R3HCC1L: variants seen among roughly 807,000 people sequenced by gnomAD.
R3HCC1L encodes R3H domain and coiled-coil containing 1 like.
R3HCC1L carries 51 observed loss-of-function variants against 59.9 expected under a neutral mutation model. The ratio of observed to expected loss-of-function variants is 0.85; its 90% confidence interval spans 0.68 to 1.07. The LOEUF is 1.07. Among genes scored for constraint, R3HCC1L ranks in the 50% least tolerant of loss-of-function variants. The probability of loss-of-function intolerance (pLI) is 0.00; values close to 1 mark genes in which losing one functional copy is unlikely to be tolerated. For missense variants in R3HCC1L, 965 were observed against 933.0 expected (o/e 1.03, Z -0.45); for synonymous variants, 322 against 315.2 (o/e 1.02, Z -0.23).
intron 2 of R3HCC1L, 80 bp from the exon 3 acceptor site, chr10:98,162,803 T>C (rs1265478460): frequency 6.6e-6 from 1 of 152,268 alleles, no homozygotes; most frequent in Non-Finnish European, 1.5e-5. Flanking sequence ...GCTCAAGCAA[T>C]GTTCCCACCT....
At chr10:98,187,651 A>G (rs1440891788) in intron 4 of R3HCC1L, among the ~76,000 whole-genome samples, 1 of 151,906 alleles carries the variant, frequency 6.6e-6, no homozygotes, top group Non-Finnish European at 1.5e-5. Flanking sequence ...GATATGTATC[A>G]TATATACAAA....
Position 98,156,120 on chromosome 10 carries a change from C to T in R3HCC1L, c.-240C>T, listed in dbSNP as rs1846847438. On this transcript the variant is annotated 5_prime_UTR_variant, in exon 2 of 10. Transcript: ENST00000298999. ...ACTTCCAGTGTCCTACTATTGAAGCCTGCACCTGCTGCATTGCTGTTTTCC... is the reference window on the plus strand; with the variant it reads ...ACTTCCAGTGTCCTACTATTGAAGCTTGCACCTGCTGCATTGCTGTTTTCC... 1 of 151,634 alleles carries T rather than the reference C, an allele frequency of 6.6e-6. No individual in the cohort carries two copies. The highest frequency in any genetic ancestry group is 2.4e-5 in the African/African-American group (1 of 41,220). The allele number at this position is 151,634 out of a possible 1,614,324, so 9.4% of individuals were successfully genotyped here.
At chr10:98,148,446 G>A (rs1477042606) in intron 1 of R3HCC1L, among the ~76,000 whole-genome samples, 7 of 152,056 alleles carry the variant, frequency 4.6e-5, no homozygotes, top group Admixed American at 4.6e-4. Flanking sequence ...GTAAATGTGG[G>A]CATCCTTGTC....
intron 1 of R3HCC1L, among the ~76,000 whole-genome samples, chr10:98,147,091 A>G (rs929778302): frequency 2.6e-5 from 4 of 152,114 alleles, no homozygotes. Flanking sequence ...CCTTTTTTAT[A>G]AAAGCCATTT....
In R3HCC1L at chr10:98,196,681, T is replaced by G. The variant is rs531910279; in HGVS notation, c.-14-11420T>G. On this transcript the variant is annotated intron_variant, in intron 4 of 9. Transcript: ENST00000298999. ...CTATGATTAATCTGACCACTTCTTA[T>G]GACCTCTGCTACCACCCTAGACGTG... Among the ~76,000 whole-genome samples the G allele has an allele frequency of 4.6e-5, 7 of 152,344 alleles. No individual in the cohort carries two copies. The South Asian group carries it at 1.0e-3, about 23-fold the overall frequency.
intron 4 of R3HCC1L, among the ~76,000 whole-genome samples, chr10:98,183,432 T>TTTGTTG (rs551367212): frequency 6.6e-6 from 1 of 151,984 alleles, no homozygotes; most frequent in Non-Finnish European, 1.5e-5. Flanking sequence ...ATTGTGGATT[T>TTTGTTG]TTGTTGTTGT....
intron 5 of R3HCC1L, 94 bp from the exon 6 acceptor site, chr10:98,231,418 A>C (rs1053133889): frequency 4.3e-6 from 5 of 1,168,568 alleles, no homozygotes; most frequent in Non-Finnish European, 6.1e-6. Context: ...GGGAACATGT[A>C]GAGAAAGGGA....
chr10:98,147,299 A>G (rs1478677089), intron 1 of R3HCC1L, among the ~76,000 whole-genome samples: 3 of 152,044 alleles, frequency 2.0e-5, no homozygotes, highest in Non-Finnish European at 4.4e-5. Flanking sequence ...AACTCCTTGT[A>G]TATTCTTGTT....
At chr10:98,209,926 CTT>C (rs777718583) in intron 5 of R3HCC1L, 27 bp downstream of exon 5, 135 of 1,542,294 alleles carry the variant, frequency 8.8e-5, no homozygotes, top group Admixed American at 5.1e-4. Context: ...TTGCTTGATG[CTT>C]AGTTAGTTTA....
Position 98,175,768 on chromosome 10 carries a change from T to C in R3HCC1L, c.-15+12371T>C, listed in dbSNP as rs181219265. Among the ~76,000 whole-genome samples the C allele has an allele frequency of 3.1e-3, 465 of 152,308 alleles. 10 individuals carry two copies. Among genetic ancestry groups the C allele is most frequent in the Non-Finnish European group, 8.2e-4 (56 of 68,018 alleles). ...TACATGTCTTTGAAGAGCAGAAGTT[T>C]GAATTTTGATAAAGTCGAGTTTATT... On this transcript the variant is annotated intron_variant, in intron 4 of 9. Coordinates refer to ENST00000298999, the MANE Select transcript of R3HCC1L (RefSeq NM_001351015.2).
chr10:98,155,340 C>G (rs1378957226), intron 1 of R3HCC1L, among the ~76,000 whole-genome samples: 1 of 152,156 alleles, frequency 6.6e-6, no homozygotes, highest in Non-Finnish European at 1.5e-5. Flanking sequence ...ACTGTCTACT[C>G]AATTGGTAAT....
intron 7 of R3HCC1L, 94 bp from the exon 8 acceptor site, chr10:98,235,327 AAAAG>A: frequency 1.9e-6 from 2 of 1,031,698 alleles, no homozygotes; most frequent in Non-Finnish European, 2.9e-6. Context: ...GCTTTGAAAA[AAAAG>A]CATAACATCT....
intron 8 of R3HCC1L, 55 bp downstream of exon 8, chr10:98,235,575 T>C (rs1856841079): frequency 2.1e-6 from 3 of 1,408,858 alleles, no homozygotes; most frequent in African/African-American, 1.4e-5. Flanking sequence ...TATTGTTCTT[T>C]CCAGAAGTTT....
chr10:98,137,163 A>G (rs538682307), intron 1 of R3HCC1L, among the ~76,000 whole-genome samples: 3 of 152,074 alleles, frequency 2.0e-5, no homozygotes, highest in East Asian at 3.9e-4. Flanking sequence ...GTGAGCCGAG[A>G]TCACACCACT....
At chr10:98,152,938 A>G (rs1846392692) in intron 1 of R3HCC1L, among the ~76,000 whole-genome samples, 1 of 144,576 alleles carries the variant, frequency 6.9e-6, no homozygotes, top group African/African-American at 2.8e-5. Flanking sequence ...CCTGTCCGGG[A>G]GAGAGGTGGG....
At chr10:98,224,312 G>GT (rs564211015) in intron 5 of R3HCC1L, among the ~76,000 whole-genome samples, 82 of 151,884 alleles carry the variant, frequency 5.4e-4, no homozygotes, top group African/African-American at 1.7e-3. Flanking sequence ...AGAATTTCTT[G>GT]TTTTTTTCCT....
At chr10:98,227,888 A>T (rs1436860829) in intron 5 of R3HCC1L, among the ~76,000 whole-genome samples, 1 of 152,128 alleles carries the variant, frequency 6.6e-6, no homozygotes, top group East Asian at 1.9e-4. Flanking sequence ...AGCTTCAACC[A>T]TGTCCCTACA....
At position 98,163,380 on chromosome 10, in the gene R3HCC1L, A is replaced by G. The variant is rs73323863; in HGVS notation, c.-32A>G. Reference sequence around the variant, plus strand: ...GTTGTAGAGTTTTATTACTAAGAAAATAAATGTTACTTACATGGTAAGTTG... The same window carrying G: ...GTTGTAGAGTTTTATTACTAAGAAAGTAAATGTTACTTACATGGTAAGTTG... On this transcript the variant is annotated 5_prime_UTR_variant, in exon 4 of 10. Transcript: ENST00000298999. The G allele has an allele frequency of 8.9e-3, 11,887 of 1,340,148 alleles. 797 individuals are homozygous for G. In the African/African-American group the frequency reaches 0.15, roughly 17 times the overall value. The allele number at this position is 1,340,148 out of a possible 1,614,324, so 83.0% of individuals were successfully genotyped here. A position where few individuals can be genotyped will look rare whatever the true frequency, so the allele number is the denominator to read the frequency against.
chr10:98,185,746 T>C (rs1419256437), intron 4 of R3HCC1L, among the ~76,000 whole-genome samples: 2 of 152,198 alleles, frequency 1.3e-5, no homozygotes, highest in African/African-American at 4.8e-5. Context: ...GATTTTATCA[T>C]GAAAACAGTG....
Sources: allele counts gnomAD v4.1 joint callset (sites outside exome capture counted in the v4.1 genomes callset), GRCh38; gene constraint gnomAD v4.1.1; transcripts MANE v1.5; gene names NCBI Gene and HGNC (gene_info 2026-07-23, HGNC 2026-07-21).